The following PSMD11 variants were observed in gnomAD, a reference collection of about 807,000 sequenced individuals.
The protein encoded by PSMD11 is proteasome 26S subunit, non-ATPase 11.
A neutral mutation model predicts 62.3 loss-of-function variants in PSMD11; 5 were observed. That is an observed-to-expected ratio of 0.08 (90% CI 0.04 to 0.17). The LOEUF (loss-of-function observed/expected upper bound fraction) is 0.17. Among genes scored for constraint, PSMD11 ranks in the 10% least tolerant of loss-of-function variants. The pLI, the probability that PSMD11 is intolerant of heterozygous loss-of-function variation, is 1.00. For missense variants in PSMD11, 310 were observed against 512.9 expected (o/e 0.60, Z 3.82); for synonymous variants, 191 against 191.8 (o/e 1.00, Z 0.03).
intron 3 of PSMD11, among the ~76,000 whole-genome samples, chr17:32,460,234 A>AT (rs1425535273): frequency 6.6e-6 from 1 of 151,456 alleles, no homozygotes; most frequent in Non-Finnish European, 1.5e-5. Flanking sequence ...AATTAAAACA[A>AT]TTTTTTTGTA....
chr17:32,455,215 A>G (rs1324253788), intron 3 of PSMD11, among the ~76,000 whole-genome samples: 1 of 152,254 alleles, frequency 6.6e-6, no homozygotes, highest in African/African-American at 2.4e-5. Flanking sequence ...ATTAAACATC[A>G]TTCTGTAAAA....
intron 9 of PSMD11, among the ~76,000 whole-genome samples, chr17:32,478,635 G>C (rs940709927): frequency 3.3e-5 from 5 of 152,198 alleles, no homozygotes; most frequent in Non-Finnish European, 5.9e-5. Flanking sequence ...TCATTGCAGA[G>C]CCATGTTATG....
Position 32,469,124 on chromosome 17 carries a change from T to G in PSMD11, c.574T>G (p.Ser192Ala). The G allele has an allele frequency of 1.2e-6, 2 of 1,614,130 alleles. No homozygotes were observed. Among genetic ancestry groups the G allele is most frequent in the Non-Finnish European group, 1.7e-6 (2 of 1,180,006 alleles). ...NLPKARAALT[S>A]ARTTANAIYC... ...GCCGAAAGCCCGAGCTGCCTTAACT[T>G]CTGCTCGAACCACAGCAAATGCCAT... is the stretch of plus-strand genomic sequence containing the variant. Residue 192 changes from serine to alanine, a missense_variant, in exon 6 of 14, where the codon TCT becomes GCT. Around this residue, in one of 6 missense-constraint regions of PSMD11, gnomAD observed 47 missense variants for 117.7 expected, o/e 0.40. Transcript: ENST00000261712.
chr17:32,465,223 C>T (rs1438656398), intron 5 of PSMD11, among the ~76,000 whole-genome samples: 4 of 152,028 alleles, frequency 2.6e-5, no homozygotes, highest in Non-Finnish European at 2.9e-5. Flanking sequence ...CAGGTTCAAG[C>T]GATTCTCCTG....
In PSMD11 at chr17:32,477,365, G is replaced by A. The variant is rs1657061832; in HGVS notation, c.850-156G>A. On this transcript the variant is annotated intron_variant, in intron 8 of 13. Coordinates refer to ENST00000261712, the MANE Select transcript of PSMD11 (RefSeq NM_002815.4). ...TGGCATATAGTGGTATTCAGTACTTGCGGCTCTTCTTCCCGGGCGTCTGAA... is the reference window on the plus strand; with the variant it reads ...TGGCATATAGTGGTATTCAGTACTTACGGCTCTTCTTCCCGGGCGTCTGAA... 3 of 527,748 alleles carry A rather than the reference G, an allele frequency of 5.7e-6. No homozygotes were observed. In the African/African-American group the frequency reaches 5.8e-5, roughly 10 times the overall value. 32.7% of individuals were successfully genotyped at this position (527,748 alleles called of 1,614,324 possible).
intron 5 of PSMD11, among the ~76,000 whole-genome samples, chr17:32,466,873 A>C (rs1266261275): frequency 4.6e-5 from 7 of 152,142 alleles, no homozygotes. Context: ...GCATCTCCCT[A>C]ATGACTGATG....
intron 3 of PSMD11, among the ~76,000 whole-genome samples, chr17:32,459,411 T>C (rs1276381545): frequency 6.6e-6 from 1 of 151,924 alleles, no homozygotes; most frequent in Non-Finnish European, 1.5e-5. Flanking sequence ...TGTTTGTTTG[T>C]ATTTTTAGTA....
At chr17:32,461,567 G>A (rs569733720) in intron 3 of PSMD11, among the ~76,000 whole-genome samples, 1 of 120,258 alleles carries the variant, frequency 8.3e-6, no homozygotes, top group South Asian at 2.9e-4. Flanking sequence ...GTGAGACTCT[G>A]TCTCAAAAGA....
chr17:32,480,218 C>T (rs1908448350), intron 12 of PSMD11, 21 bp downstream of exon 12: 1 of 1,604,690 alleles, frequency 6.2e-7, no homozygotes, highest in Non-Finnish European at 8.5e-7. Context: ...GTCACACAGG[C>T]AAGGGGGCTG....
At chr17:32,479,165 G>T in intron 9 of PSMD11, 86 bp from the exon 10 acceptor site, 1 of 1,509,724 alleles carries the variant, frequency 6.6e-7, no homozygotes. Flanking sequence ...AGTTTTATAA[G>T]GGCCAGCAGA....
chr17:32,479,229 C>G, intron 9 of PSMD11, 22 bp from the exon 10 acceptor site: 1 of 1,612,844 alleles, frequency 6.2e-7, no homozygotes, highest in Non-Finnish European at 8.5e-7. Context: ...GTGCCAATCT[C>G]TGCAACTGGT....
intron 3 of PSMD11, among the ~76,000 whole-genome samples, chr17:32,460,248 A>G (rs550074172): frequency 2.0e-5 from 3 of 151,808 alleles, no homozygotes; most frequent in Non-Finnish European, 2.9e-5. Context: ...TTTTGTAGAG[A>G]TAGGGTCTTG....
rs556556364 is a variant in PSMD11 at position 32,468,106 on chromosome 17, T to C, written c.449-893T>C. Among the ~76,000 whole-genome samples the C allele has an allele frequency of 3.0e-4, 46 of 152,338 alleles. 1 individual carries two copies. The South Asian group carries it at 9.5e-3, about 32-fold the overall frequency. ...TAAGGATAATAGCCTCCAGCTCCAT[T>C]CATGTTCCTGCAGAGGACGTGATCT... On this transcript the variant is annotated intron_variant, in intron 5 of 13. Transcript: ENST00000261712.
chr17:32,463,382 A>G (rs1448312231), intron 3 of PSMD11: 1 of 152,136 alleles, frequency 6.6e-6, no homozygotes, highest in African/African-American at 2.4e-5. Context: ...TTTTAAGACT[A>G]GTCAAAGTGC....
Position 32,456,221 on chromosome 17 carries a change from C to T in PSMD11, c.318+1602C>T, listed in dbSNP as rs186572794. ...ATAGAGTACCTTAAAATAGACTGAT[C>T]AGTAAATGTTAATTTGAAACTGACT... On this transcript the variant is annotated intron_variant, in intron 3 of 13. Coordinates refer to ENST00000261712, the MANE Select transcript of PSMD11 (RefSeq NM_002815.4). 2.2e-3 allele frequency among the ~76,000 whole-genome samples: 338 copies of T among 151,182 alleles called. 1 individual carries two copies. Among genetic ancestry groups the T allele is most frequent in the African/African-American group, 8.0e-3 (328 of 41,154 alleles).
At chr17:32,464,864 AGT>A (rs1907949055) in intron 5 of PSMD11, among the ~76,000 whole-genome samples, 2 of 152,364 alleles carry the variant, frequency 1.3e-5, no homozygotes, top group Non-Finnish European at 2.9e-5. Flanking sequence ...ATTTAAAAAA[AGT>A]GTATCTATAT....
intron 5 of PSMD11, among the ~76,000 whole-genome samples, chr17:32,466,316 C>G (rs1188339965): frequency 1.3e-5 from 2 of 152,052 alleles, no homozygotes; most frequent in African/African-American, 4.8e-5. Flanking sequence ...TTTTATCACC[C>G]CAGAAAGAAA....
At chr17:32,476,192 G>A (rs1025206711) in intron 8 of PSMD11, among the ~76,000 whole-genome samples, 3 of 152,054 alleles carry the variant, frequency 2.0e-5, no homozygotes, top group Non-Finnish European at 4.4e-5. Context: ...CACTTCAAAC[G>A]GGGAGTGGAA....
intron 2 of PSMD11, among the ~76,000 whole-genome samples, chr17:32,447,684 G>C (rs559399809): frequency 7.2e-5 from 11 of 152,296 alleles, no homozygotes; most frequent in South Asian, 4.2e-4. Flanking sequence ...ATAGTATTTA[G>C]AGAGAAGTCT....
Sources: allele counts gnomAD v4.1 joint callset (sites outside exome capture counted in the v4.1 genomes callset), GRCh38; gene constraint gnomAD v4.1.1; regional missense constraint gnomAD v4.1.1; transcripts MANE v1.5; gene names NCBI Gene and HGNC (gene_info 2026-07-23, HGNC 2026-07-21).